Variants in LRMDA observed in about 807,000 individuals in gnomAD.
LRMDA encodes the protein leucine rich melanocyte differentiation associated.
In LRMDA, 18 loss-of-function variants were observed where a neutral mutation model predicts 29.8. That is an observed-to-expected ratio of 0.60 (90% CI 0.42 to 0.90). The LOEUF is 0.90. LRMDA is among the 40% of genes least tolerant of loss of function. LRMDA has a pLI of 0.00. For missense variants in LRMDA, 273 were observed against 273.9 expected (o/e 1.00, Z 0.02); for synonymous variants, 125 against 109.4 (o/e 1.14, Z -0.89).
At chr10:76,306,468 G>A (rs1173099812) in intron 5 of LRMDA, among the ~76,000 whole-genome samples, 1 of 152,184 alleles carries the variant, frequency 6.6e-6, no homozygotes, top group African/African-American at 2.4e-5. Context: ...AAGTCTGTAG[G>A]TCTTCAGTTC....
At chr10:76,535,144 G>A (rs76118352) in intron 6 of LRMDA, among the ~76,000 whole-genome samples, 2,317 of 152,232 alleles carry the variant, frequency 0.015, 23 homozygotes, top group African/African-American at 0.037. Context: ...AAATAGTTGT[G>A]TCATGTAAGA....
chr10:75,867,186 C>T (rs575131403), intron 2 of LRMDA, among the ~76,000 whole-genome samples: 54 of 151,674 alleles, frequency 3.6e-4, no homozygotes, highest in Non-Finnish European at 7.1e-4. Flanking sequence ...TTTTTTGAGA[C>T]GGAGTCTCAC....
At chr10:75,483,673 T>G (rs1003022249) in intron 2 of LRMDA, among the ~76,000 whole-genome samples, 1 of 152,140 alleles carries the variant, frequency 6.6e-6, no homozygotes, top group Non-Finnish European at 1.5e-5. Flanking sequence ...AAATAAAGAG[T>G]AAAACTTGGA....
chr10:76,117,980 C>T (rs1849695416), intron 5 of LRMDA, among the ~76,000 whole-genome samples: 1 of 152,126 alleles, frequency 6.6e-6, no homozygotes, highest in Non-Finnish European at 1.5e-5. Flanking sequence ...TCATCTTTTC[C>T]AAGATGTTGA....
At chr10:75,997,130 A>C (rs1439515513) in intron 2 of LRMDA, among the ~76,000 whole-genome samples, 1 of 152,186 alleles carries the variant, frequency 6.6e-6, no homozygotes, top group African/African-American at 2.4e-5. Flanking sequence ...AAGGAAATTA[A>C]GGTTGCCTGT....
chr10:75,880,594 T>G (rs1209153264), intron 2 of LRMDA, among the ~76,000 whole-genome samples: 5 of 152,090 alleles, frequency 3.3e-5, no homozygotes, highest in Non-Finnish European at 7.4e-5. Context: ...GATATCTAGG[T>G]GAGAGGGTGG....
chr10:76,135,339 G>T (rs1850074172), intron 5 of LRMDA, among the ~76,000 whole-genome samples: 1 of 152,174 alleles, frequency 6.6e-6, no homozygotes, highest in Non-Finnish European at 1.5e-5. Flanking sequence ...CTTTAAGGTG[G>T]ACCTTAAGAT....
chr10:76,315,005 GT>G (rs987279622), intron 5 of LRMDA, among the ~76,000 whole-genome samples: 45 of 152,286 alleles, frequency 3.0e-4, no homozygotes, highest in African/African-American at 1.1e-3. Flanking sequence ...GCCTAGGAGG[GT>G]TTTCTTTGCC....
At chr10:75,758,356 G>A (rs1168252404) in intron 2 of LRMDA, among the ~76,000 whole-genome samples, 1 of 152,188 alleles carries the variant, frequency 6.6e-6, no homozygotes, top group African/African-American at 2.4e-5. Context: ...GAGGAATGTC[G>A]CCCATGAAAT....
At chr10:75,658,295 G>GAAAAAAAA (rs10649469) in intron 2 of LRMDA, among the ~76,000 whole-genome samples, 2 of 76,636 alleles carry the variant, frequency 2.6e-5, no homozygotes, top group South Asian at 3.9e-4. Flanking sequence ...CAAAGAAAAT[G>GAAAAAAAA]AAAAAAAAAA....
chr10:76,028,350 T>A (rs2132498582), intron 2 of LRMDA, among the ~76,000 whole-genome samples: 1 of 152,326 alleles, frequency 6.6e-6, no homozygotes, highest in Non-Finnish European at 1.5e-5. Context: ...TCTTTCCATG[T>A]TAAGGGTGTT....
intron 2 of LRMDA, among the ~76,000 whole-genome samples, chr10:75,472,373 G>A (rs528001296): frequency 3.3e-5 from 5 of 152,228 alleles, no homozygotes; most frequent in African/African-American, 7.2e-5. Flanking sequence ...TTTAATCCTC[G>A]TAACGACCCA....
At chr10:75,605,808 C>A (rs1026158263) in intron 2 of LRMDA, among the ~76,000 whole-genome samples, 11 of 152,242 alleles carry the variant, frequency 7.2e-5, no homozygotes, top group African/African-American at 2.6e-4. Context: ...GTGATGGCAG[C>A]GGCTGGGAAC....
chr10:76,242,808 G>A (rs1210887994), intron 5 of LRMDA, among the ~76,000 whole-genome samples: 2 of 152,174 alleles, frequency 1.3e-5, no homozygotes, highest in African/African-American at 2.4e-5. Context: ...ATACAACACC[G>A]AGTTGTCCTA....
In LRMDA at chr10:75,723,936, C is replaced by T. The variant is rs76619492; in HGVS notation, c.131+285442C>T. Reference sequence around the variant, plus strand: ...GTAAAAATTGAACATGACACACCAGCAATTTATTATTTGTATGTTTTTTAA... The same window carrying T: ...GTAAAAATTGAACATGACACACCAGTAATTTATTATTTGTATGTTTTTTAA... On this transcript the variant is annotated intron_variant, in intron 2 of 6. Transcript: ENST00000611255. 2.3e-4 allele frequency among the ~76,000 whole-genome samples: 35 copies of T among 152,200 alleles called. No individual in the cohort carries two copies. The East Asian group carries it at 6.8e-3, about 29-fold the overall frequency.
At chr10:75,530,520 T>C (rs1314172934) in intron 2 of LRMDA, among the ~76,000 whole-genome samples, 1 of 152,184 alleles carries the variant, frequency 6.6e-6, no homozygotes, top group Admixed American at 6.5e-5. Flanking sequence ...TGTTGACTCA[T>C]CCCTGATGTT....
In LRMDA at chr10:76,114,865, G is replaced by T. The variant is rs542329667; in HGVS notation, c.516+56082G>T. Among the ~76,000 whole-genome samples the T allele has an allele frequency of 5.3e-5, 8 of 152,340 alleles. 1 individual carries two copies. The South Asian group carries it at 1.5e-3, about 28-fold the overall frequency. On this transcript the variant is annotated intron_variant, in intron 5 of 6. Transcript: ENST00000611255. Reference sequence around the variant, plus strand: ...AGAGAAGCCCTTTCTGGAGGCCTTTGCCAGGGCTTGCTTGTCCCCCCTGAA... The same window carrying T: ...AGAGAAGCCCTTTCTGGAGGCCTTTTCCAGGGCTTGCTTGTCCCCCCTGAA...
chr10:76,046,071 T>C (rs774736136), intron 3 of LRMDA, among the ~76,000 whole-genome samples: 3 of 152,194 alleles, frequency 2.0e-5, no homozygotes, highest in Non-Finnish European at 4.4e-5. Context: ...TACCCTTGTA[T>C]GTTTTGTTCC....
intron 5 of LRMDA, among the ~76,000 whole-genome samples, chr10:76,276,394 T>G (rs549663983): frequency 2.0e-4 from 31 of 152,184 alleles, no homozygotes; most frequent in African/African-American, 7.5e-4. Flanking sequence ...TCCTCCCACC[T>G]TGGCCTCTCA....
Sources: allele counts gnomAD v4.1 joint callset (sites outside exome capture counted in the v4.1 genomes callset), GRCh38; gene constraint gnomAD v4.1.1; transcripts MANE v1.5; gene names NCBI Gene and HGNC (gene_info 2026-07-23, HGNC 2026-07-21).